The following ODAD2 variants were observed in gnomAD, a reference collection of about 807,000 sequenced individuals.
ODAD2 encodes the protein outer dynein arm docking complex subunit 2.
A neutral mutation model predicts 106.8 loss-of-function variants in ODAD2; 89 were observed. That is an observed-to-expected ratio of 0.83 (90% CI 0.70 to 0.99). The LOEUF (loss-of-function observed/expected upper bound fraction) is 0.99, where lower values mean the gene tolerates loss of function less well. Among genes scored for constraint, ODAD2 ranks in the 50% least tolerant of loss-of-function variants. The pLI, the probability that ODAD2 is intolerant of heterozygous loss-of-function variation, is 0.00. For missense variants in ODAD2, 1,168 were observed against 1,238.5 expected (o/e 0.94, Z 0.85); for synonymous variants, 404 against 436.2 (o/e 0.93, Z 0.92).
chr10:27,915,736 G>A (rs1844322744), intron 16 of ODAD2, among the ~76,000 whole-genome samples: 1 of 152,204 alleles, frequency 6.6e-6, no homozygotes, highest in Admixed American at 6.5e-5. Flanking sequence ...CCTTCAAAAG[G>A]GATAGTAAAT....
intron 16 of ODAD2, among the ~76,000 whole-genome samples, chr10:27,911,847 C>T (rs554709597): frequency 6.6e-6 from 1 of 152,242 alleles, no homozygotes; most frequent in Non-Finnish European, 1.5e-5. Context: ...AGCAGGAATT[C>T]TGTATTTCCC....
chr10:27,872,944 C>A (rs937604602), intron 17 of ODAD2, among the ~76,000 whole-genome samples: 8 of 152,148 alleles, frequency 5.3e-5, no homozygotes, highest in Admixed American at 6.5e-5. Flanking sequence ...CCCGCTCCTC[C>A]TTGTACTTCT....
chr10:27,937,517 T>G (rs1846078191), intron 14 of ODAD2, among the ~76,000 whole-genome samples: 1 of 152,112 alleles, frequency 6.6e-6, no homozygotes, highest in African/African-American at 2.4e-5. Flanking sequence ...CCTGACATTT[T>G]ATTCAAATAT....
intron 16 of ODAD2, among the ~76,000 whole-genome samples, chr10:27,929,081 C>T (rs60695807): frequency 0.16 from 24,422 of 151,958 alleles, 2,976 homozygotes; most frequent in African/African-American, 0.34. Flanking sequence ...ACAAGAAATT[C>T]GATTGTGTAA....
At chr10:27,841,958 T>C (rs565432076) in intron 19 of ODAD2, among the ~76,000 whole-genome samples, 1 of 152,152 alleles carries the variant, frequency 6.6e-6, no homozygotes, top group African/African-American at 2.4e-5. Flanking sequence ...GGTCTCCCTA[T>C]GTTGCCCAGG....
rs919402284 is a variant in ODAD2, at chr10:27,977,621, T to C, written c.936+3845A>G. 4.6e-5 allele frequency among the ~76,000 whole-genome samples: 7 copies of C among 152,026 alleles called. No homozygotes were observed. The East Asian group carries it at 9.7e-4, about 21-fold the overall frequency. On this transcript the variant is annotated intron_variant, in intron 7 of 19. Coordinates refer to ENST00000305242, the MANE Select transcript of ODAD2 (RefSeq NM_018076.5). ...GAAAAATACAAGACCCAGATTGGGA[T>C]GAAATATTTATATTTCATGTATCTA...
chr10:27,971,401 A>T lies in ODAD2; in HGVS notation c.937-88T>A, dbSNP rs1848852043. 5 of 1,178,964 alleles carry T rather than the reference A, an allele frequency of 4.2e-6. No individual in the cohort carries two copies. The East Asian group carries it at 1.3e-4, about 30-fold the overall frequency. 73.0% of individuals were successfully genotyped at this position (1,178,964 alleles called of 1,614,324 possible). On this transcript the variant is annotated intron_variant, in intron 7 of 19. Transcript: ENST00000305242. The stretch of plus-strand genomic sequence containing the variant: ...TTAATGCCAGTGGTAAATTCAGGAA[A>T]GGAAGTCTCGGATGCATTTAACTTG...
chr10:27,934,989 T>C, intron 16 of ODAD2, 21 bp downstream of exon 16: 1 of 1,613,210 alleles, frequency 6.2e-7, no homozygotes, highest in Non-Finnish European at 8.5e-7. Context: ...ATAAAATCTT[T>C]CCATCTCCAG....
chr10:27,900,706 G>A (rs1843140166), intron 17 of ODAD2, among the ~76,000 whole-genome samples: 1 of 152,070 alleles, frequency 6.6e-6, no homozygotes, highest in Non-Finnish European at 1.5e-5. Flanking sequence ...GCGGAAGAAA[G>A]GTTATCAGAT....
At chr10:27,969,156 C>T (rs1848664011) in intron 8 of ODAD2, 138 bp from the exon 9 acceptor site, 1 of 608,366 alleles carries the variant, frequency 1.6e-6, no homozygotes, top group Non-Finnish European at 2.9e-6. Flanking sequence ...GTTCCAGCCT[C>T]ATTCTGACAC....
intron 1 of ODAD2, among the ~76,000 whole-genome samples, chr10:27,996,731 G>A (rs548567651): frequency 6.6e-6 from 1 of 152,268 alleles, no homozygotes; most frequent in East Asian, 1.9e-4. Flanking sequence ...ATTTTACCAA[G>A]AGCTCAGCAT....
At position 27,956,450 on chromosome 10, in the gene ODAD2, A is replaced by G. The variant is rs1320387774; in HGVS notation, c.1386+5118T>C. 2.0e-5 allele frequency among the ~76,000 whole-genome samples: 3 copies of G among 152,176 alleles called. No homozygotes were observed. In the East Asian group the frequency reaches 5.8e-4, roughly 29 times the overall value. ...CTCAGGAATAAGACCGCCTGGATGA[A>G]GCATTTCAGAGTATGGGCAGATATC... On this transcript the variant is annotated intron_variant, in intron 10 of 19. Coordinates refer to ENST00000305242, the MANE Select transcript of ODAD2 (RefSeq NM_018076.5).
chr10:27,900,292 C>CA (rs902173897), intron 17 of ODAD2, among the ~76,000 whole-genome samples: 2 of 152,010 alleles, frequency 1.3e-5, no homozygotes, highest in Admixed American at 6.5e-5. Context: ...AGGACGTCCA[C>CA]AAAAAATCCC....
intron 17 of ODAD2, among the ~76,000 whole-genome samples, chr10:27,891,015 C>T (rs1420559356): frequency 6.6e-6 from 1 of 152,122 alleles, no homozygotes; most frequent in African/African-American, 2.4e-5. Context: ...ATGGCTAAAT[C>T]AGAGCTTGTG....
In ODAD2 at chr10:27,998,500, C is replaced by T. The variant is rs1421803537; in HGVS notation, c.-39+494G>A. ...GCTGGGGGAAGGAGAGGCAGGGAAG[C>T]GGCGGGAGAAGTGGAGAGCGGATCC... On this transcript the variant is annotated intron_variant, in intron 1 of 19. Coordinates refer to ENST00000305242, the MANE Select transcript of ODAD2 (RefSeq NM_018076.5). Among the ~76,000 whole-genome samples, 3 of 151,844 alleles carry T rather than the reference C, an allele frequency of 2.0e-5. No homozygotes were observed. In the East Asian group the frequency reaches 5.8e-4, roughly 29 times the overall value.
chr10:27,967,387 C>A (rs1848549616), intron 9 of ODAD2, among the ~76,000 whole-genome samples: 1 of 152,170 alleles, frequency 6.6e-6, no homozygotes, highest in Admixed American at 6.5e-5. Flanking sequence ...ACGAAGGACT[C>A]CCCCGTCACA....
At chr10:27,902,641 A>AGGG (rs2133816448) in intron 17 of ODAD2, among the ~76,000 whole-genome samples, 1 of 152,356 alleles carries the variant, frequency 6.6e-6, no homozygotes, top group East Asian at 1.9e-4. Flanking sequence ...ACAGAAATAC[A>AGGG]AACTACCATC....
intron 17 of ODAD2, among the ~76,000 whole-genome samples, chr10:27,902,274 G>A (rs10826363): frequency 0.66 from 100,815 of 151,974 alleles, 33,767 homozygotes; most frequent in Middle Eastern, 0.74. Context: ...CAATGACACA[G>A]CGTACCAGAA....
At chr10:27,812,772 A>C in intron 19 of ODAD2, 147 bp from the exon 20 acceptor site, 2 of 1,228,030 alleles carry the variant, frequency 1.6e-6, no homozygotes, top group South Asian at 3.7e-5. Flanking sequence ...AGCAAATACG[A>C]ATATAAACAG....
Sources: gnomAD v4.1 joint callset for allele counts (sites outside exome capture counted in the v4.1 genomes callset) on GRCh38, gnomAD v4.1.1 for gene constraint, MANE v1.5 for transcripts, NCBI Gene and HGNC (gene_info 2026-07-23, HGNC 2026-07-21) for gene names.